The following PTPN11 variants were observed in gnomAD, a reference collection of about 807,000 sequenced individuals.
PTPN11 encodes tyrosine-protein phosphatase non-receptor type 11.
PTPN11 carries 6 observed loss-of-function variants against 78.8 expected under a neutral mutation model. The ratio of observed to expected loss-of-function variants is 0.08; its 90% CI spans 0.04 to 0.15. PTPN11 has a LOEUF of 0.15. Ranked by LOEUF, PTPN11 falls within the 10% of genes least tolerant of loss-of-function variation. The pLI is 1.00. For synonymous variants in PTPN11, 221 were observed against 263.5 expected, an observed-to-expected ratio of 0.84 and a Z score of 1.56; for missense variants, 386 against 744.8, an observed-to-expected ratio of 0.52 and a Z score of 5.61.
intron 6 of PTPN11, among the ~76,000 whole-genome samples, chr12:112,458,903 C>T (rs745384783): frequency 5.3e-5 from 8 of 151,970 alleles, no homozygotes; most frequent in Admixed American, 2.0e-4. Flanking sequence ...TGTGGGGGTG[C>T]GCACCCACAG....
chr12:112,495,350 T>C (rs2038801040), intron 13 of PTPN11, among the ~76,000 whole-genome samples: 1 of 152,256 alleles, frequency 6.6e-6, no homozygotes, highest in African/African-American at 2.4e-5. Flanking sequence ...AGGCTTTCCT[T>C]GTTTTTCATG....
At chr12:112,419,761 C>T (rs1425192405) in intron 1 of PTPN11, among the ~76,000 whole-genome samples, 1 of 152,214 alleles carries the variant, frequency 6.6e-6, no homozygotes, top group Non-Finnish European at 1.5e-5. Flanking sequence ...AGGAAGGGAG[C>T]CGCATCTCGT....
chr12:112,493,803 A>G (rs1050575191), intron 13 of PTPN11, among the ~76,000 whole-genome samples: 19 of 151,874 alleles, frequency 1.3e-4, no homozygotes, highest in Middle Eastern at 3.4e-3. Context: ...TGTTTTCCCT[A>G]CCCCCAACCC....
rs2038915374 is a variant in PTPN11 at position 112,504,908 on chromosome 12, C to T, written c.*32+112C>T. 1.5e-6 allele frequency: 1 copy of T among 689,256 alleles called. No individual in the cohort carries two copies. The highest frequency in any genetic ancestry group is 2.5e-6 in the Non-Finnish European group (1 of 394,308). 42.7% of individuals were successfully genotyped at this position (689,256 alleles called of 1,614,324 possible). On this transcript the variant is annotated intron_variant, in intron 15 of 15. Transcript: ENST00000351677. The surrounding 1 kb of genome is among the most constrained non-coding windows in gnomAD (Gnocchi z 4.7). ...CAAAGTGTACCATAATTGAGTTTTA[C>T]AAACCAGGCTCCTTTTTCCTCTCCC...
chr12:112,488,954 A>G, intron 12 of PTPN11, 70 bp from the exon 13 acceptor site: 1 of 1,583,064 alleles, frequency 6.3e-7, no homozygotes. Context: ...GTCCACTAAA[A>G]GTTGTGCATT....
chr12:112,484,407 G>A (rs1206295359), intron 10 of PTPN11, among the ~76,000 whole-genome samples: 2 of 152,208 alleles, frequency 1.3e-5, no homozygotes, highest in Non-Finnish European at 2.9e-5. Flanking sequence ...TAGTTGCAGT[G>A]GATGGAGAGG....
chr12:112,419,523 C>G (rs1041143051), intron 1 of PTPN11, among the ~76,000 whole-genome samples: 1 of 152,148 alleles, frequency 6.6e-6, no homozygotes, highest in African/African-American at 2.4e-5. Context: ...CCTTGGGACA[C>G]GAGAGGGGAG....
intron 13 of PTPN11, among the ~76,000 whole-genome samples, chr12:112,496,953 C>T (rs944552352): frequency 3.3e-5 from 5 of 152,182 alleles, no homozygotes; most frequent in Middle Eastern, 3.4e-3. Context: ...GGGCAGATCA[C>T]CTGAGGTCAG....
At chr12:112,432,866 T>C (rs117399332) in intron 1 of PTPN11, among the ~76,000 whole-genome samples, 8,306 of 144,286 alleles carry the variant, frequency 0.058, 287 homozygotes, top group Middle Eastern at 0.16. Flanking sequence ...CATTTTTAAC[T>C]TTTTTTTTTT....
In PTPN11 at chr12:112,444,071, G is replaced by A. The variant is rs550027523; in HGVS notation, c.15-2205G>A. ...CCCCTAAAGTGCTGGGATTATAGGC[G>A]TGAACCACTGTGCCTGGCTGAGGAT... On this transcript the variant is annotated intron_variant, in intron 1 of 15. Coordinates refer to ENST00000351677, the MANE Select transcript of PTPN11 (RefSeq NM_002834.5). 3.9e-5 allele frequency among the ~76,000 whole-genome samples: 6 copies of A among 152,234 alleles called. No homozygotes were observed. In the East Asian group the frequency reaches 7.7e-4, roughly 20 times the overall value.
chr12:112,453,052 AG>A (rs2038100218), intron 3 of PTPN11, 142 bp from the exon 4 acceptor site: 1 of 716,636 alleles, frequency 1.4e-6, no homozygotes. Flanking sequence ...TTTCTGTCTC[AG>A]GTGGGATTGA....
chr12:112,459,550 T>C (rs1191638702), intron 6 of PTPN11, among the ~76,000 whole-genome samples: 1 of 151,284 alleles, frequency 6.6e-6, no homozygotes, highest in Admixed American at 6.6e-5. Context: ...CACTACAACC[T>C]CCGCCTCCTG....
chr12:112,473,894 G>A (rs990367702), intron 7 of PTPN11, among the ~76,000 whole-genome samples: 1 of 151,268 alleles, frequency 6.6e-6, no homozygotes, highest in East Asian at 1.9e-4. Flanking sequence ...CTGTAAAGCT[G>A]TACCTTTCAA....
At chr12:112,450,034 C>T (rs371929930) in intron 2 of PTPN11, among the ~76,000 whole-genome samples, 6 of 150,060 alleles carry the variant, frequency 4.0e-5, no homozygotes, top group African/African-American at 1.2e-4. Context: ...TGCGGTGAAC[C>T]GAGATCACGT....
rs2038962637 is a variant in PTPN11, at chr12:112,508,440, TC to T, written c.*2650del. ...AAAAAAAAGTTGTGGAAAGGAAAGT[TC>T]CAAAGAGGTGGTTTCTGAGGAAGTC... is the stretch of plus-strand genomic sequence containing the variant. On this transcript the variant is annotated 3_prime_UTR_variant, in exon 16 of 16. Transcript: ENST00000351677. 6.6e-6 allele frequency: 1 copy of T among 152,228 alleles called. No individual in the cohort carries two copies. Among genetic ancestry groups the T allele is most frequent in the Non-Finnish European group, 1.5e-5 (1 of 68,050 alleles). The allele number at this position is 152,228 out of a possible 1,614,324, so 9.4% of individuals were successfully genotyped here.
intron 1 of PTPN11, among the ~76,000 whole-genome samples, chr12:112,442,605 C>G (rs1039017375): frequency 6.6e-6 from 1 of 151,220 alleles, no homozygotes; most frequent in South Asian, 2.1e-4. Flanking sequence ...GCGCTTGCCA[C>G]CACGGCCGGC....
chr12:112,467,747 G>A (rs1185160163), intron 6 of PTPN11, among the ~76,000 whole-genome samples: 4 of 152,020 alleles, frequency 2.6e-5, no homozygotes, highest in African/African-American at 9.7e-5. Flanking sequence ...CGCCTGCCTC[G>A]GCCTCCCAAA....
chr12:112,445,567 T>C (rs375966403), intron 1 of PTPN11, among the ~76,000 whole-genome samples: 2 of 152,216 alleles, frequency 1.3e-5, no homozygotes, highest in South Asian at 2.1e-4. Flanking sequence ...TTCTCATATT[T>C]GTGTCTCCCC....
At chr12:112,450,655 G>T in intron 3 of PTPN11, 143 bp downstream of exon 3, 1 of 843,816 alleles carries the variant, frequency 1.2e-6, no homozygotes. Flanking sequence ...AATTACTAAA[G>T]TGAGACTAAT....
Sources: gnomAD v4.1 joint callset for allele counts (sites outside exome capture counted in the v4.1 genomes callset) on GRCh38, gnomAD v4.1.1 for gene constraint, Gnocchi (gnomAD v3.1) non-coding constraint, MANE v1.5 for transcripts, NCBI Gene and HGNC (gene_info 2026-07-23, HGNC 2026-07-21) for gene names.